SOX6: variants seen among roughly 807,000 people sequenced by gnomAD.
SOX6 encodes transcription factor SOX-6.
SOX6 carries 11 observed loss-of-function variants against 97.8 expected under a neutral mutation model. The ratio of observed to expected loss-of-function variants is 0.11; its 90% CI spans 0.07 to 0.19. The LOEUF is 0.19. Ranked by LOEUF, SOX6 falls within the 10% of genes least tolerant of loss-of-function variation. SOX6 has a pLI of 1.00. For synonymous variants in SOX6, 360 were observed against 371.4 expected (o/e 0.97, Z 0.35); for missense variants, 810 against 1,039.5 (o/e 0.78, Z 3.04).
At chr11:16,436,213 T>G (rs1050806972) in intron 1 of SOX6, among the ~76,000 whole-genome samples, 2 of 152,128 alleles carry the variant, frequency 1.3e-5, no homozygotes, top group African/African-American at 2.4e-5. Flanking sequence ...AAATAAAAAT[T>G]AAAAAAATAG....
intron 4 of SOX6, among the ~76,000 whole-genome samples, chr11:16,218,459 T>C (rs1383388129): frequency 6.6e-6 from 1 of 152,122 alleles, no homozygotes; most frequent in African/African-American, 2.4e-5. Context: ...AAATGTATTT[T>C]AAGTATCAGC....
chr11:16,305,989 A>G (rs1218086066), intron 3 of SOX6, among the ~76,000 whole-genome samples: 1 of 152,148 alleles, frequency 6.6e-6, no homozygotes, highest in East Asian at 1.9e-4. Context: ...AGAGCAACAC[A>G]AGGAATTCTT....
intron 12 of SOX6, among the ~76,000 whole-genome samples, chr11:16,030,142 A>C (rs539619829): frequency 6.6e-6 from 1 of 152,300 alleles, no homozygotes; most frequent in East Asian, 1.9e-4. Flanking sequence ...TCTAATTGGC[A>C]ATGTGACATG....
At chr11:16,650,566 C>A (rs199933751) in intron 3 of SOX6, among the ~76,000 whole-genome samples, 2 of 137,464 alleles carry the variant, frequency 1.5e-5, no homozygotes, top group Non-Finnish European at 3.2e-5. Flanking sequence ...ATTTAAAAAT[C>A]TTTGAGCTGA....
intron 9 of SOX6, among the ~76,000 whole-genome samples, chr11:16,061,359 A>G (rs1263385129): frequency 6.6e-6 from 1 of 151,484 alleles, no homozygotes; most frequent in Non-Finnish European, 1.5e-5. Context: ...CTGTACAAGG[A>G]AAACTATAGA....
chr11:16,319,575 G>A (rs902427885), intron 2 of SOX6, among the ~76,000 whole-genome samples: 8 of 147,362 alleles, frequency 5.4e-5, no homozygotes, highest in Middle Eastern at 3.9e-3. Context: ...TCCCACCTAC[G>A]AGTGATAACA....
At chr11:16,339,524 T>C (rs1268110155) in intron 2 of SOX6, among the ~76,000 whole-genome samples, 1 of 152,056 alleles carries the variant, frequency 6.6e-6, no homozygotes, top group Non-Finnish European at 1.5e-5. Context: ...TTCCTAACCA[T>C]TTATTCTAAA....
intron 1 of SOX6, among the ~76,000 whole-genome samples, chr11:16,342,721 C>T (rs1856672085): frequency 6.6e-6 from 1 of 151,832 alleles, no homozygotes; most frequent in African/African-American, 2.4e-5. Context: ...TGCTAAATTT[C>T]TCACAATTAA....
At chr11:16,580,835 A>G (rs1231352417) in intron 4 of SOX6, among the ~76,000 whole-genome samples, 1 of 152,222 alleles carries the variant, frequency 6.6e-6, no homozygotes, top group Admixed American at 6.5e-5. Flanking sequence ...GGCCAACAAC[A>G]TATGAAAAAA....
At chr11:16,512,417 C>A (rs1412682339) in intron 4 of SOX6, among the ~76,000 whole-genome samples, 1 of 152,128 alleles carries the variant, frequency 6.6e-6, no homozygotes, top group African/African-American at 2.4e-5. Flanking sequence ...TGATAAAAAG[C>A]AACTATGCTA....
intron 4 of SOX6, among the ~76,000 whole-genome samples, chr11:16,553,319 CT>C (rs1203608858): frequency 6.6e-6 from 1 of 152,186 alleles, no homozygotes; most frequent in African/African-American, 2.4e-5. Flanking sequence ...CTGTTGGCAA[CT>C]GTATTTATAC....
intron 4 of SOX6, among the ~76,000 whole-genome samples, chr11:16,500,681 C>T (rs1471395847): frequency 2.0e-5 from 3 of 152,070 alleles, no homozygotes; most frequent in Admixed American, 1.3e-4. Flanking sequence ...AAACAGAGAG[C>T]CAAACCATGA....
intron 4 of SOX6, among the ~76,000 whole-genome samples, chr11:16,543,158 T>G (rs935656981): frequency 4.6e-5 from 7 of 152,138 alleles, no homozygotes; most frequent in East Asian, 1.9e-4. Context: ...CTTGGAACTC[T>G]TTATCTTAAA....
intron 4 of SOX6, among the ~76,000 whole-genome samples, chr11:16,609,314 A>T (rs1394847020): frequency 2.6e-5 from 4 of 152,242 alleles, no homozygotes; most frequent in African/African-American, 9.6e-5. Flanking sequence ...TCAAAACTAC[A>T]TCAAGATAAA....
chr11:16,263,346 C>T (rs921075662), intron 3 of SOX6, among the ~76,000 whole-genome samples: 4 of 151,814 alleles, frequency 2.6e-5, no homozygotes, highest in Non-Finnish European at 4.4e-5. Flanking sequence ...GCATTCCTAA[C>T]CAAAACAAAA....
At chr11:16,626,542 A>C (rs1360948912) in intron 3 of SOX6, among the ~76,000 whole-genome samples, 1 of 152,180 alleles carries the variant, frequency 6.6e-6, no homozygotes, top group Non-Finnish European at 1.5e-5. Flanking sequence ...AATTACATAT[A>C]AATTTTAGAA....
chr11:16,235,907 G>T (rs1023302751), intron 3 of SOX6, among the ~76,000 whole-genome samples: 2 of 152,034 alleles, frequency 1.3e-5, no homozygotes, highest in African/African-American at 4.8e-5. Context: ...ATTAACATTT[G>T]TCTGTGACAC....
At chr11:16,679,585 G>A (rs569279639) in intron 3 of SOX6, among the ~76,000 whole-genome samples, 30 of 152,292 alleles carry the variant, frequency 2.0e-4, no homozygotes, top group African/African-American at 6.7e-4. Context: ...CTCTTCACCA[G>A]CAAGGGAACA....
rs548778287 is a variant in SOX6, at chr11:16,140,417, T to C, written c.778-28494A>G. Among the ~76,000 whole-genome samples the C allele has an allele frequency of 9.8e-5, 15 of 152,308 alleles. No individual in the cohort carries two copies. In the South Asian group the frequency reaches 1.9e-3, roughly 19 times the overall value. On this transcript the variant is annotated intron_variant, in intron 6 of 15. Transcript: ENST00000683767. ...TTAACTGGGAGGCAGCATTATATTG[T>C]ATAGTAGAAAGATCACAAGTTTTGA...
Sources: gnomAD v4.1 joint callset for allele counts (sites outside exome capture counted in the v4.1 genomes callset) on GRCh38, gnomAD v4.1.1 for gene constraint, MANE v1.5 for transcripts, NCBI Gene and HGNC (gene_info 2026-07-23, HGNC 2026-07-21) for gene names.